Variants in TXNRD2 observed in about 807,000 individuals in gnomAD.
TXNRD2 encodes thioredoxin reductase 2.
Under a neutral mutation model 70.8 loss-of-function variants are expected in TXNRD2, and 67 were observed. The ratio of observed to expected loss-of-function variants is 0.95; its 90% confidence interval spans 0.78 to 1.16. The LOEUF (loss-of-function observed/expected upper bound fraction) is 1.16. Among genes scored for constraint, TXNRD2 ranks in the 50% most tolerant of loss-of-function variants. The pLI is 0.00. For synonymous variants in TXNRD2, 301 were observed against 295.8 expected (o/e 1.02, Z -0.18); for missense variants, 644 against 719.9 (o/e 0.89, Z 1.21).
At chr22:19,911,834 G>A (rs1940426099) in intron 7 of TXNRD2, among the ~76,000 whole-genome samples, 1 of 152,154 alleles carries the variant, frequency 6.6e-6, no homozygotes, top group Non-Finnish European at 1.5e-5. Context: ...AAACAGACAG[G>A]GGCATGCAGC....
At chr22:19,940,560 G>C (rs560839535) in intron 1 of TXNRD2, among the ~76,000 whole-genome samples, 6 of 152,284 alleles carry the variant, frequency 3.9e-5, no homozygotes, top group African/African-American at 1.4e-4. Flanking sequence ...GTGAGTATGG[G>C]AAGGGGAAGC....
intron 8 of TXNRD2, 85 bp downstream of exon 8, chr22:19,911,292 G>T: frequency 8.9e-7 from 1 of 1,120,418 alleles, no homozygotes. Flanking sequence ...AGCCCCAGGA[G>T]CCCAGCACCA....
chr22:19,939,969 C>T (rs913176658), intron 1 of TXNRD2, among the ~76,000 whole-genome samples: 1 of 152,022 alleles, frequency 6.6e-6, no homozygotes, highest in African/African-American at 2.4e-5. Context: ...CTCGGCTGGG[C>T]GCAGTGGCTC....
intron 1 of TXNRD2, among the ~76,000 whole-genome samples, chr22:19,940,073 C>G (rs1000084751): frequency 6.6e-6 from 1 of 151,842 alleles, no homozygotes; most frequent in African/African-American, 2.4e-5. Context: ...GAAATCCCGT[C>G]TCTACTAAAA....
chr22:19,886,538 AC>A (rs761103131), intron 11 of TXNRD2, among the ~76,000 whole-genome samples: 24 of 152,034 alleles, frequency 1.6e-4, no homozygotes, highest in Non-Finnish European at 1.5e-4. Flanking sequence ...TCAGCTCCCC[AC>A]CATTTCCCTC....
At chr22:19,892,603 C>T (rs1266541171) in intron 11 of TXNRD2, among the ~76,000 whole-genome samples, 1 of 152,232 alleles carries the variant, frequency 6.6e-6, no homozygotes, top group Non-Finnish European at 1.5e-5. Flanking sequence ...TTTCCGGGGA[C>T]ACAGCCCCCG....
chr22:19,939,711 T>A (rs1430397292), intron 1 of TXNRD2, among the ~76,000 whole-genome samples: 1 of 152,190 alleles, frequency 6.6e-6, no homozygotes, highest in Non-Finnish European at 1.5e-5. Context: ...CCTGGTTGTA[T>A]CCATCTAGAA....
chr22:19,940,894 C>G (rs1941687817), intron 1 of TXNRD2, among the ~76,000 whole-genome samples: 1 of 152,180 alleles, frequency 6.6e-6, no homozygotes, highest in African/African-American at 2.4e-5. Flanking sequence ...TTCACACACA[C>G]AGTCAGCCCT....
At chr22:19,897,932 T>C in intron 10 of TXNRD2, 107 bp downstream of exon 10, 1 of 835,932 alleles carries the variant, frequency 1.2e-6, no homozygotes, top group South Asian at 1.6e-5. Context: ...TCTCTAAAGA[T>C]TCAGGCATCA....
chr22:19,915,018 G>A lies in TXNRD2; in HGVS notation c.591+196C>T, dbSNP rs78146516. 1.8e-3 allele frequency: 1,079 copies of A among 604,004 alleles called. 6 individuals carry two copies. Among genetic ancestry groups the A allele is most frequent in the African/African-American group, 0.015 (844 of 54,934 alleles). The allele number at this position is 604,004 out of a possible 1,614,324, so 37.4% of individuals were successfully genotyped here. A position where few individuals can be genotyped will look rare whatever the true frequency, so the allele number is the denominator to read the frequency against. The stretch of plus-strand genomic sequence containing the variant: ...AGAGCTGTCCTGAGGATCTGGCAGC[G>A]TGGAGGCCACTGGGGACCCCACATT... On this transcript the variant is annotated intron_variant, in intron 7 of 17. Transcript: ENST00000400521.
intron 2 of TXNRD2, among the ~76,000 whole-genome samples, chr22:19,925,280 T>C (rs1202120400): frequency 1.3e-5 from 2 of 151,388 alleles, no homozygotes; most frequent in Non-Finnish European, 2.9e-5. Flanking sequence ...CAAGACTCCA[T>C]CTCAAAAAAC....
intron 1 of TXNRD2, among the ~76,000 whole-genome samples, chr22:19,931,301 C>T (rs188297870): frequency 4.6e-5 from 7 of 152,320 alleles, no homozygotes; most frequent in East Asian, 1.9e-4. Context: ...TGGCCGTGGG[C>T]GTGTGTGATC....
intron 8 of TXNRD2, among the ~76,000 whole-genome samples, chr22:19,909,234 G>T (rs1030398811): frequency 6.6e-6 from 1 of 151,566 alleles, no homozygotes; most frequent in African/African-American, 2.4e-5. Context: ...GGTTAAAGTG[G>T]TAAATTTTAT....
chr22:19,904,992 G>A (rs1939941668), intron 8 of TXNRD2, among the ~76,000 whole-genome samples: 1 of 152,212 alleles, frequency 6.6e-6, no homozygotes. Flanking sequence ...CTCCAAGTGT[G>A]AGTGGAGGCC....
chr22:19,911,284 C>T, intron 8 of TXNRD2, 93 bp downstream of exon 8: 1 of 1,051,392 alleles, frequency 9.5e-7, no homozygotes, highest in Non-Finnish European at 1.5e-6. Flanking sequence ...GGAAAGAAAG[C>T]CCCAGGAGCC....
At chr22:19,904,070 C>T (rs964786134) in intron 8 of TXNRD2, among the ~76,000 whole-genome samples, 4 of 152,228 alleles carry the variant, frequency 2.6e-5, no homozygotes, top group Non-Finnish European at 4.4e-5. Context: ...GAGCAGGAGC[C>T]GACCTGGAGT....
At chr22:19,926,163 CA>C (rs149482078) in intron 2 of TXNRD2, among the ~76,000 whole-genome samples, 29,441 of 86,454 alleles carry the variant, frequency 0.34, 3,048 homozygotes, top group Middle Eastern at 0.46. Flanking sequence ...AACTCCGTCT[CA>C]AAAAAAAAAA....
intron 12 of TXNRD2, among the ~76,000 whole-genome samples, chr22:19,882,625 G>A (rs1293314783): frequency 6.6e-6 from 1 of 152,216 alleles, no homozygotes; most frequent in African/African-American, 2.4e-5. Flanking sequence ...GACAGGTCTC[G>A]CTACAAAGAA....
chr22:19,916,214 G>A (rs1454671578), intron 5 of TXNRD2: 7 of 309,108 alleles, frequency 2.3e-5, no homozygotes, highest in African/African-American at 1.3e-4. Flanking sequence ...GTGCCCACCA[G>A]ATGGTGTCAC....
Sources: allele counts gnomAD v4.1 joint callset (sites outside exome capture counted in the v4.1 genomes callset), GRCh38; gene constraint gnomAD v4.1.1; transcripts MANE v1.5; gene names NCBI Gene and HGNC (gene_info 2026-07-23, HGNC 2026-07-21).